INTS6: variants seen among roughly 807,000 people sequenced by gnomAD.
INTS6 encodes the protein integrator complex subunit 6.
A neutral mutation model predicts 104.9 loss-of-function variants in INTS6; 16 were observed. The observed-to-expected ratio is 0.15, with a 90% confidence interval of 0.10 to 0.23. INTS6 has a LOEUF of 0.23. INTS6 is among the 10% of genes least tolerant of loss of function. The pLI, the probability that INTS6 is intolerant of heterozygous loss-of-function variation, is 1.00. For missense variants in INTS6, 584 were observed against 1,062.8 expected, an observed-to-expected ratio of 0.55 and a Z score of 6.26; for synonymous variants, 324 against 358.7, an observed-to-expected ratio of 0.90 and a Z score of 1.09.
rs531668005 is a variant in INTS6 at position 51,430,221 on chromosome 13, G to A, written c.429+73C>T. 8 of 1,252,350 alleles carry A rather than the reference G, an allele frequency of 6.4e-6. No individual in the cohort carries two copies. The African/African-American group carries it at 8.8e-5, about 14-fold the overall frequency. The allele number at this position is 1,252,350 out of a possible 1,614,324, so 77.6% of individuals were successfully genotyped here. A position where few individuals can be genotyped will look rare whatever the true frequency, so the allele number is the denominator to read the frequency against. ...ATCAACGAGAGAACCTATTAAAGGT[G>A]TTCAGTATCCTACAAAAATAAAGGA... is the stretch of plus-strand genomic sequence containing the variant. On this transcript the variant is annotated intron_variant, in intron 4 of 17. Coordinates refer to ENST00000311234, the MANE Select transcript of INTS6 (RefSeq NM_012141.3).
chr13:51,384,462 C>G, intron 7 of INTS6: 1 of 318,724 alleles, frequency 3.1e-6, no homozygotes, highest in Non-Finnish European at 6.2e-6. Flanking sequence ...CTATAAAGGA[C>G]TCTATTGGCC....
chr13:51,378,164 A>G, intron 12 of INTS6, 75 bp downstream of exon 12: 1 of 1,057,650 alleles, frequency 9.5e-7, no homozygotes, highest in South Asian at 1.3e-5. Context: ...TGAATGTCAG[A>G]GTTAACAGAA....
At chr13:51,394,139 C>T (rs1026435288) in intron 5 of INTS6, among the ~76,000 whole-genome samples, 4 of 151,986 alleles carry the variant, frequency 2.6e-5, no homozygotes, top group African/African-American at 9.7e-5. Flanking sequence ...ACGACTGTCA[C>T]TGAAAAATAT....
chr13:51,367,982 A>C, intron 16 of INTS6, 84 bp from the exon 17 acceptor site: 1 of 681,352 alleles, frequency 1.5e-6, no homozygotes. Context: ...AGTTTATGAT[A>C]TTAAGATATA....
chr13:51,414,871 G>T (rs912895506), intron 4 of INTS6, among the ~76,000 whole-genome samples: 1 of 111,390 alleles, frequency 9.0e-6, no homozygotes, highest in African/African-American at 3.9e-5. Context: ...CACACACACA[G>T]TTCTAAGACT....
the INTS6 span, among the ~76,000 whole-genome samples, chr13:51,336,605 C>T: frequency 1.3e-5 from 2 of 152,172 alleles, no homozygotes; most frequent in Non-Finnish European, 2.9e-5. Flanking sequence ...GAAAGGACCT[C>T]GATGGTCCTT....
chr13:51,344,343 T>C, the INTS6 span: 1 of 1,613,852 alleles, frequency 6.2e-7, no homozygotes, highest in East Asian at 2.2e-5. Context: ...GCAGCCTTTT[T>C]GTGCAAGTGG....
In INTS6 at chr13:51,388,604, G is replaced by A. The variant is rs143127782; in HGVS notation, c.739+715C>T. Among the ~76,000 whole-genome samples, 543 of 152,228 alleles carry A rather than the reference G, an allele frequency of 3.6e-3. 5 individuals carry two copies. The highest frequency in any genetic ancestry group is 0.012 in the African/African-American group (518 of 41,522). On this transcript the variant is annotated intron_variant, in intron 6 of 17. Coordinates refer to ENST00000311234, the MANE Select transcript of INTS6 (RefSeq NM_012141.3). ...CACGGAGTTTCTCCGTGTTGGTCAGGCTGGTCTCAAACTCCCAACCTCAGG... is the reference window on the plus strand; with the variant it reads ...CACGGAGTTTCTCCGTGTTGGTCAGACTGGTCTCAAACTCCCAACCTCAGG...
chr13:51,406,822 TG>T (rs1441929201), intron 4 of INTS6, among the ~76,000 whole-genome samples: 1 of 152,154 alleles, frequency 6.6e-6, no homozygotes, highest in African/African-American at 2.4e-5. Context: ...ACAGGCTGCA[TG>T]TAGCCCAGTA....
chr13:51,406,454 G>A (rs573937427), intron 4 of INTS6, among the ~76,000 whole-genome samples: 7 of 151,676 alleles, frequency 4.6e-5, no homozygotes, highest in East Asian at 1.9e-4. Flanking sequence ...TGTTTCTTAC[G>A]TCACCTCCTC....
chr13:51,383,908 A>G (rs1956094029), intron 7 of INTS6, 167 bp from the exon 8 acceptor site: 2 of 453,508 alleles, frequency 4.4e-6, no homozygotes, highest in South Asian at 1.2e-4. Context: ...ATGTAATGCT[A>G]AAGTTATGTA....
chr13:51,360,740 T>G (rs1955561558), downstream of INTS6, among the ~76,000 whole-genome samples: 1 of 152,104 alleles, frequency 6.6e-6, no homozygotes, highest in South Asian at 2.1e-4. Flanking sequence ...ACATTCATAT[T>G]ACTCTGAATT....
At chr13:51,369,418 T>A in intron 15 of INTS6, 108 bp from the exon 16 acceptor site, 2 of 1,078,682 alleles carry the variant, frequency 1.9e-6, no homozygotes, top group Non-Finnish European at 2.6e-6. Flanking sequence ...TTTCCTTGAC[T>A]AATGCAAGTT....
chr13:51,394,523 A>G (rs905437049), intron 5 of INTS6, among the ~76,000 whole-genome samples: 6 of 152,102 alleles, frequency 3.9e-5, no homozygotes, highest in African/African-American at 1.2e-4. Context: ...GGCCCTTATC[A>G]TAAGTAAAAT....
At chr13:51,397,685 T>C (rs913785733) in intron 4 of INTS6, among the ~76,000 whole-genome samples, 1 of 152,228 alleles carries the variant, frequency 6.6e-6, no homozygotes, top group East Asian at 1.9e-4. Flanking sequence ...TTCTCTCTAA[T>C]ATCACAAAAA....
chr13:51,448,788 A>G (rs1952976792), intron 3 of INTS6: 2 of 152,190 alleles, frequency 1.3e-5, no homozygotes, highest in Admixed American at 1.3e-4. Context: ...ATTTCCTTCA[A>G]CTACTAACGT....
downstream of INTS6, among the ~76,000 whole-genome samples, chr13:51,357,311 A>C (rs1955495196): frequency 6.6e-6 from 1 of 152,202 alleles, no homozygotes; most frequent in Non-Finnish European, 1.5e-5. Context: ...CCTCATTCCT[A>C]AAATGGGGTA....
intron 4 of INTS6, among the ~76,000 whole-genome samples, chr13:51,415,494 A>G (rs1249224017): frequency 1.8e-4 from 27 of 152,154 alleles, no homozygotes; most frequent in Non-Finnish European, 5.9e-5. Flanking sequence ...ATAGGGAATA[A>G]GTCTCACAAG....
At chr13:51,354,639 C>G (rs1955452820) in intron 3 of INTS6, among the ~76,000 whole-genome samples, 1 of 151,510 alleles carries the variant, frequency 6.6e-6, no homozygotes, top group Non-Finnish European at 1.5e-5. Context: ...AGCCACTTTT[C>G]TCAGGTAGTT....
Sources: gnomAD v4.1 joint callset for allele counts (sites outside exome capture counted in the v4.1 genomes callset) on GRCh38, gnomAD v4.1.1 for gene constraint, MANE v1.5 for transcripts, NCBI Gene and HGNC (gene_info 2026-07-23, HGNC 2026-07-21) for gene names.